Variants in HCN1 observed in about 807,000 individuals in gnomAD.
The protein encoded by HCN1 is potassium/sodium hyperpolarization-activated cyclic nucleotide-gated channel 1.
Under a neutral mutation model 78.9 loss-of-function variants are expected in HCN1, and 13 were observed. The observed-to-expected ratio is 0.16, with a 90% CI of 0.11 to 0.26. HCN1 has a LOEUF of 0.26. Ranked by LOEUF, HCN1 falls within the 10% of genes least tolerant of loss-of-function variation. The probability of loss-of-function intolerance (pLI) is 1.00; values close to 1 mark genes in which losing one functional copy is unlikely to be tolerated. For synonymous variants in HCN1, 552 were observed against 455.5 expected, an observed-to-expected ratio of 1.21 and a Z score of -2.70; for missense variants, 810 against 1,154.3, an observed-to-expected ratio of 0.70 and a Z score of 4.32.
chr5:45,568,580 T>C (rs1304080776), intron 2 of HCN1, among the ~76,000 whole-genome samples: 2 of 152,064 alleles, frequency 1.3e-5, no homozygotes, highest in Admixed American at 6.6e-5. Context: ...GAGTAGAATT[T>C]CATTAAATGT....
chr5:45,514,534 T>G (rs1462180000), intron 2 of HCN1, among the ~76,000 whole-genome samples: 1 of 152,112 alleles, frequency 6.6e-6, no homozygotes, highest in African/African-American at 2.4e-5. Flanking sequence ...TAGTTCCAAT[T>G]CTATTTTTCA....
intron 3 of HCN1, among the ~76,000 whole-genome samples, chr5:45,411,802 A>C (rs1299497464): frequency 6.6e-6 from 1 of 152,064 alleles, no homozygotes; most frequent in Admixed American, 6.6e-5. Flanking sequence ...ATTTGCTTCA[A>C]ATCCTAATAT....
rs886133803 is a variant in HCN1, at chr5:45,492,046, T to C, written c.850-30039A>G. ...AACCTCATCTAAAAATTTTAGATAA[T>C]CACTGAATTTCTAGGCACCTTTATC... On this transcript the variant is annotated intron_variant, in intron 2 of 7. Coordinates refer to ENST00000303230, the MANE Select transcript of HCN1 (RefSeq NM_021072.4). Among the ~76,000 whole-genome samples, 9 of 152,174 alleles carry C rather than the reference T, an allele frequency of 5.9e-5. No individual in the cohort carries two copies. The East Asian group carries it at 1.5e-3, about 26-fold the overall frequency.
intron 4 of HCN1, among the ~76,000 whole-genome samples, chr5:45,385,473 A>G (rs911376523): frequency 6.6e-6 from 1 of 152,162 alleles, no homozygotes; most frequent in Non-Finnish European, 1.5e-5. Flanking sequence ...CCAAGAAGCC[A>G]GGAAGAATGA....
chr5:45,675,387 A>T (rs963274678), intron 1 of HCN1, among the ~76,000 whole-genome samples: 2 of 151,718 alleles, frequency 1.3e-5, no homozygotes, highest in African/African-American at 4.8e-5. Flanking sequence ...TATCCAGAAC[A>T]CTCATTCTCT....
intron 2 of HCN1, among the ~76,000 whole-genome samples, chr5:45,494,099 C>G (rs1741965881): frequency 6.6e-6 from 1 of 152,180 alleles, no homozygotes; most frequent in South Asian, 2.1e-4. Context: ...GATTTATAGT[C>G]CTTTGGGTAT....
intron 6 of HCN1, among the ~76,000 whole-genome samples, chr5:45,293,459 C>G (rs1167266469): frequency 6.6e-6 from 1 of 151,752 alleles, no homozygotes; most frequent in Non-Finnish European, 1.5e-5. Flanking sequence ...GCCTGGGTGA[C>G]AGAGCAAGAC....
chr5:45,503,751 C>A (rs993977621), intron 2 of HCN1, among the ~76,000 whole-genome samples: 2 of 149,594 alleles, frequency 1.3e-5, no homozygotes, highest in African/African-American at 4.9e-5. Context: ...AATTATTATT[C>A]CCCCCTCCCC....
intron 2 of HCN1, among the ~76,000 whole-genome samples, chr5:45,614,532 G>A (rs1298862490): frequency 6.6e-6 from 1 of 152,078 alleles, no homozygotes; most frequent in Non-Finnish European, 1.5e-5. Context: ...GTTGACAATG[G>A]TTGTGGTTTA....
At chr5:45,651,528 AT>A (rs1745675827) in intron 1 of HCN1, among the ~76,000 whole-genome samples, 1 of 152,002 alleles carries the variant, frequency 6.6e-6, no homozygotes. Context: ...ACCCAGCTAG[AT>A]TTAATTTTTA....
At chr5:45,536,738 T>G (rs1742975347) in intron 2 of HCN1, among the ~76,000 whole-genome samples, 2 of 152,172 alleles carry the variant, frequency 1.3e-5, no homozygotes, top group Admixed American at 6.5e-5. Flanking sequence ...CTACTAATTT[T>G]TAATTGAATA....
chr5:45,552,457 A>G (rs1743388235), intron 2 of HCN1, among the ~76,000 whole-genome samples: 1 of 152,082 alleles, frequency 6.6e-6, no homozygotes, highest in East Asian at 1.9e-4. Context: ...AAAACTTATC[A>G]TGTCCACATA....
chr5:45,326,689 AG>A (rs1746239520), intron 5 of HCN1, among the ~76,000 whole-genome samples: 5 of 151,868 alleles, frequency 3.3e-5, no homozygotes, highest in African/African-American at 1.2e-4. Context: ...GTAAAAGATC[AG>A]AGCAAGATGA....
intron 2 of HCN1, among the ~76,000 whole-genome samples, chr5:45,596,089 AG>A (rs989201339): frequency 2.0e-5 from 3 of 151,894 alleles, no homozygotes; most frequent in African/African-American, 4.8e-5. Flanking sequence ...TAGTAGAGAC[AG>A]GGTTTCACCA....
intron 1 of HCN1, among the ~76,000 whole-genome samples, chr5:45,664,870 C>A (rs997969988): frequency 3.3e-5 from 5 of 151,950 alleles, no homozygotes; most frequent in Non-Finnish European, 7.3e-5. Context: ...ACTAGTTCAA[C>A]CATTGTGGAA....
At chr5:45,433,302 C>G (rs71616289) in intron 3 of HCN1, among the ~76,000 whole-genome samples, 1,728 of 152,108 alleles carry the variant, frequency 0.011, 20 homozygotes, top group Non-Finnish European at 0.018. Context: ...TATCTCTGTT[C>G]ATCAAAAATA....
chr5:45,673,349 A>C, intron 1 of HCN1, among the ~76,000 whole-genome samples: 1 of 151,690 alleles, frequency 6.6e-6, no homozygotes, highest in African/African-American at 2.4e-5. Flanking sequence ...ATTATTTGAA[A>C]GAAATTACTA....
Position 45,459,667 on chromosome 5 carries a change from TA to T in HCN1, c.1011+2178del, listed in dbSNP as rs553208271. Among the ~76,000 whole-genome samples the T allele has an allele frequency of 3.2e-3, 494 of 152,272 alleles. 1 individual carries two copies. Among genetic ancestry groups the T allele is most frequent in the Middle Eastern group, 6.8e-3 (2 of 294 alleles). On this transcript the variant is annotated intron_variant, in intron 3 of 7. Transcript: ENST00000303230. ...TATAATTATACTACCATATGTACTT[TA>T]TAGACATCCCAAAATAGTTATTTTA...
At chr5:45,362,038 CATT>C (rs1191243552) in intron 4 of HCN1, among the ~76,000 whole-genome samples, 1 of 151,982 alleles carries the variant, frequency 6.6e-6, no homozygotes, top group Non-Finnish European at 1.5e-5. Flanking sequence ...TAGAAAAAAT[CATT>C]ATAACCATTG....
Sources: allele counts gnomAD v4.1 joint callset (sites outside exome capture counted in the v4.1 genomes callset), GRCh38; gene constraint gnomAD v4.1.1; transcripts MANE v1.5; gene names NCBI Gene and HGNC (gene_info 2026-07-23, HGNC 2026-07-21).